The following OPRM1 variants were observed in gnomAD, a reference collection of about 807,000 sequenced individuals.
OPRM1 encodes the protein opioid receptor mu 1, also known as mu-type opioid receptor.
Under a neutral mutation model 31.8 loss-of-function variants are expected in OPRM1, and 27 were observed. That is an observed-to-expected ratio of 0.85 (90% CI 0.63 to 1.17). The LOEUF (loss-of-function observed/expected upper bound fraction) is 1.17, where lower values mean the gene tolerates loss of function less well. Among genes scored for constraint, OPRM1 ranks in the 50% most tolerant of loss-of-function variants. The pLI is 0.00. For missense variants in OPRM1, 536 were observed against 511.1 expected, an observed-to-expected ratio of 1.05 and a Z score of -0.47; for synonymous variants, 196 against 189.9, an observed-to-expected ratio of 1.03 and a Z score of -0.26.
At position 154,100,083 on chromosome 6, in the gene OPRM1, ATATATTATCATATTATGATATATATAT is replaced by A. The variant is rs1562472051; in HGVS notation, c.1164+8617_1164+8643del. Among the ~76,000 whole-genome samples the A allele has an allele frequency of 2.3e-3, 253 of 107,694 alleles. 4 individuals are homozygous for A. Among genetic ancestry groups the A allele is most frequent in the African/African-American group, 4.5e-3 (130 of 28,948 alleles). The allele number at this position is 107,694 out of a possible 152,430, so 70.7% of individuals were successfully genotyped here. A position where few individuals can be genotyped will look rare whatever the true frequency, so the allele number is the denominator to read the frequency against. On this transcript the variant is annotated intron_variant, in intron 3 of 3. Coordinates refer to ENST00000330432, the MANE Select transcript of OPRM1 (RefSeq NM_000914.5). ...TATATATCATGATATATATCATATT[ATATATTATCATATTATGATATATATAT>A]TATATATTATCATATTATGACATAT...
Position 154,039,661 on chromosome 6 carries a change from C to A in OPRM1, c.117C>A (p.Gly39=), listed in dbSNP as rs2128394146. The change falls in exon 1 of 4, where the codon GGC becomes GGA. Residue 39 remains glycine, a synonymous_variant. Transcript: ENST00000330432. ...GSWVNLSHLD[G]NLSDPCGPNR... is the part of the protein sequence containing the mutation. ...GGGTCAACTTGTCCCACTTAGATGG[C>A]AACCTGTCCGACCCATGCGGTCCGA... The A allele has an allele frequency of 6.2e-7, 1 of 1,613,920 alleles. No homozygotes were observed. The highest frequency in any genetic ancestry group is 1.3e-5 in the African/African-American group (1 of 75,060).
intron 3 of OPRM1, among the ~76,000 whole-genome samples, chr6:154,193,055 A>C (rs1462064361): frequency 6.6e-6 from 1 of 152,226 alleles, no homozygotes; most frequent in Non-Finnish European, 1.5e-5. Flanking sequence ...TATACGAAGA[A>C]GGATACTTGC....
At chr6:154,201,019 A>G (rs1275934854) in intron 3 of OPRM1, among the ~76,000 whole-genome samples, 1 of 152,056 alleles carries the variant, frequency 6.6e-6, no homozygotes, top group Non-Finnish European at 1.5e-5. Context: ...AGTTCTCATG[A>G]GATCTGATAG....
chr6:154,179,439 T>A (rs922002197), intron 3 of OPRM1, among the ~76,000 whole-genome samples: 1 of 152,230 alleles, frequency 6.6e-6, no homozygotes, highest in Non-Finnish European at 1.5e-5. Context: ...GAAAAAAGAT[T>A]GGCAGAGAAG....
chr6:154,039,261 A>T lies in OPRM1; in HGVS notation c.-284A>T. On this transcript the variant is annotated 5_prime_UTR_variant, in exon 1 of 4. Transcript: ENST00000330432. Reference sequence around the variant, plus strand: ...CCTCCTCCCTCCCTTCCAGCCTCCGAATCCCGCATGGCCCACGCTCCCCTC... The same window carrying T: ...CCTCCTCCCTCCCTTCCAGCCTCCGTATCCCGCATGGCCCACGCTCCCCTC... 1 of 1,551,624 alleles carries T rather than the reference A, an allele frequency of 6.4e-7. No individual in the cohort carries two copies. Among genetic ancestry groups the T allele is most frequent in the Non-Finnish European group, 8.7e-7 (1 of 1,146,926 alleles).
chr6:154,018,096 T>G (rs1393544089), intron 1 of OPRM1, among the ~76,000 whole-genome samples: 1 of 152,140 alleles, frequency 6.6e-6, no homozygotes, highest in African/African-American at 2.4e-5. Context: ...CACTCAGGTA[T>G]AAACAAAGAG....
chr6:154,026,220 T>G (rs78709966), intron 1 of OPRM1, among the ~76,000 whole-genome samples: 3 of 124,134 alleles, frequency 2.4e-5, no homozygotes, highest in African/African-American at 8.0e-5. Context: ...TAGGGTAAAT[T>G]TTTTTTTTTC....
chr6:154,220,825 G>A (rs1173028752), intron 3 of OPRM1, among the ~76,000 whole-genome samples: 1 of 152,190 alleles, frequency 6.6e-6, no homozygotes, highest in Non-Finnish European at 1.5e-5. Context: ...TTTGCAATAT[G>A]TTCAGGACAA....
At chr6:154,210,240 AC>A (rs1228151369) in intron 3 of OPRM1, among the ~76,000 whole-genome samples, 3 of 152,184 alleles carry the variant, frequency 2.0e-5, no homozygotes, top group Non-Finnish European at 4.4e-5. Context: ...TAGCAAAGTA[AC>A]CTGAGATACT....
chr6:154,205,908 C>G (rs750495347), intron 3 of OPRM1, among the ~76,000 whole-genome samples: 1 of 152,000 alleles, frequency 6.6e-6, no homozygotes, highest in Admixed American at 6.6e-5. Flanking sequence ...GCAGACCCTT[C>G]GGAAACTCAC....
At chr6:154,165,976 G>A (rs571546080) in intron 3 of OPRM1, among the ~76,000 whole-genome samples, 2 of 152,336 alleles carry the variant, frequency 1.3e-5, no homozygotes, top group South Asian at 2.1e-4. Flanking sequence ...TAATTAACAT[G>A]CAGGAGTTTA....
chr6:154,142,438 C>T (rs1798242894), intron 3 of OPRM1, among the ~76,000 whole-genome samples: 1 of 152,020 alleles, frequency 6.6e-6, no homozygotes, highest in African/African-American at 2.4e-5. Flanking sequence ...GCGAGAACAC[C>T]TCAGGCGAGC....
chr6:154,055,939 T>A (rs1342556018), intron 1 of OPRM1, among the ~76,000 whole-genome samples: 1 of 152,190 alleles, frequency 6.6e-6, no homozygotes, highest in Non-Finnish European at 1.5e-5. Flanking sequence ...CCAGCAGCAC[T>A]GTTCATTTGA....
chr6:154,111,964 A>G (rs142169894), intron 3 of OPRM1, among the ~76,000 whole-genome samples: 2,892 of 152,172 alleles, frequency 0.019, 97 homozygotes, highest in African/African-American at 0.064. Context: ...ACGGGGTTTC[A>G]CTGTGTTAGC....
chr6:154,152,364 G>GAA (rs1330155190), intron 3 of OPRM1, among the ~76,000 whole-genome samples: 1 of 147,120 alleles, frequency 6.8e-6, no homozygotes, highest in Non-Finnish European at 1.5e-5. Context: ...AAGAAAGAAA[G>GAA]AAAGAAAGAA....
chr6:154,168,033 C>A lies in OPRM1; in HGVS notation c.1164+76561C>A. 1.9e-6 allele frequency: 3 copies of A among 1,610,966 alleles called. No homozygotes were observed. The highest frequency in any genetic ancestry group is 2.5e-6 in the Non-Finnish European group (3 of 1,177,658). On this transcript the variant is annotated intron_variant, in intron 3 of 3. Transcript: ENST00000337049. The surrounding 1 kb of genome is among the most constrained non-coding windows in gnomAD (Gnocchi z 4.1). ...TCCTTTTTAGTCGAAGGTCGTCGGT[C>A]CCCAAGAGGAGATAGACTAGCTTGC...
intron 1 of OPRM1, among the ~76,000 whole-genome samples, chr6:154,067,284 T>A (rs1785630752): frequency 6.6e-6 from 1 of 151,964 alleles, no homozygotes; most frequent in Admixed American, 6.6e-5. Context: ...TAAGCATTTA[T>A]ACATACAAAT....
At chr6:154,215,642 A>G (rs1778335522) in intron 3 of OPRM1, among the ~76,000 whole-genome samples, 1 of 152,094 alleles carries the variant, frequency 6.6e-6, no homozygotes, top group Admixed American at 6.5e-5. Context: ...AAAAAAATAA[A>G]CAAAATAGGA....
Position 154,120,879 on chromosome 6 carries a change from C to A in OPRM1, c.*2158C>A, listed in dbSNP as rs997049183. On this transcript the variant is annotated 3_prime_UTR_variant, in exon 4 of 4. Coordinates refer to ENST00000330432, the MANE Select transcript of OPRM1 (RefSeq NM_000914.5). ...AAATGTCATGTGTGTGAACAAGTTTCTTCCATGTCATCTTTGAGACTCTAC... is the reference window on the plus strand; with the variant it reads ...AAATGTCATGTGTGTGAACAAGTTTATTCCATGTCATCTTTGAGACTCTAC... Among the ~76,000 whole-genome samples, 1 of 152,022 alleles carries A rather than the reference C, an allele frequency of 6.6e-6. No homozygotes were observed. Among genetic ancestry groups the A allele is most frequent in the African/African-American group, 2.4e-5 (1 of 41,408 alleles).
Sources: gnomAD v4.1 joint callset for allele counts (sites outside exome capture counted in the v4.1 genomes callset) on GRCh38, gnomAD v4.1.1 for gene constraint, Gnocchi (gnomAD v3.1) non-coding constraint, MANE v1.5 for transcripts, NCBI Gene and HGNC (gene_info 2026-07-23, HGNC 2026-07-21) for gene names.